Variants in KIF5C observed in about 807,000 individuals in gnomAD.
The protein encoded by KIF5C is kinesin family member 5C.
Under a neutral mutation model 125.2 loss-of-function variants are expected in KIF5C, and 18 were observed. That is an observed-to-expected ratio of 0.14 (90% CI 0.10 to 0.21). The LOEUF (loss-of-function observed/expected upper bound fraction) is 0.21, where lower values mean the gene tolerates loss of function less well. KIF5C is among the 10% of genes least tolerant of loss of function. The pLI is 1.00. For synonymous variants in KIF5C, 405 were observed against 434.0 expected, an observed-to-expected ratio of 0.93 and a Z score of 0.83; for missense variants, 780 against 1,183.8, an observed-to-expected ratio of 0.66 and a Z score of 5.01.
intron 1 of KIF5C, among the ~76,000 whole-genome samples, chr2:148,911,147 CA>C (rs1255127972): frequency 2.0e-5 from 3 of 152,116 alleles, no homozygotes; most frequent in African/African-American, 7.2e-5. Flanking sequence ...CTGCCTACAG[CA>C]TGTGGCTAAA....
intron 11 of KIF5C, among the ~76,000 whole-genome samples, chr2:148,970,727 G>A (rs1286517035): frequency 6.6e-6 from 1 of 152,194 alleles, no homozygotes; most frequent in Non-Finnish European, 1.5e-5. Context: ...ACTTTGGTTA[G>A]AACAGGTCAC....
chr2:148,941,183 A>G (rs1455943712), intron 4 of KIF5C, among the ~76,000 whole-genome samples: 5 of 152,152 alleles, frequency 3.3e-5, no homozygotes, highest in African/African-American at 1.2e-4. Context: ...TTCTAAACAC[A>G]CTGCCCTTGC....
chr2:148,976,572 G>A (rs896855745), intron 12 of KIF5C, among the ~76,000 whole-genome samples: 1 of 151,448 alleles, frequency 6.6e-6, no homozygotes, highest in Non-Finnish European at 1.5e-5. Flanking sequence ...CTGGCCGCAT[G>A]TTATTTTTTT....
At position 149,024,663 on chromosome 2, in the gene KIF5C, A is replaced by G. The variant is rs902579319; in HGVS notation, c.*1593A>G. 2 of 152,588 alleles carry G rather than the reference A, an allele frequency of 1.3e-5. No individual in the cohort carries two copies. The highest frequency in any genetic ancestry group is 6.5e-5 in the Admixed American group (1 of 15,280). The allele number at this position is 152,588 out of a possible 1,614,324, so 9.5% of individuals were successfully genotyped here. ...TGCTTTGACTTAATTTATTTGTTAAATGTTGCACTTTGTTTATGTATGTTT... is the reference window on the plus strand; with the variant it reads ...TGCTTTGACTTAATTTATTTGTTAAGTGTTGCACTTTGTTTATGTATGTTT... On this transcript the variant is annotated 3_prime_UTR_variant, in exon 26 of 26. Coordinates refer to ENST00000435030, the MANE Select transcript of KIF5C (RefSeq NM_004522.3).
chr2:148,882,654 C>T (rs1345892234), intron 1 of KIF5C, among the ~76,000 whole-genome samples: 2 of 152,206 alleles, frequency 1.3e-5, no homozygotes, highest in African/African-American at 4.8e-5. Context: ...TCAAAGCTCA[C>T]CTGCATGGCC....
Position 148,994,472 on chromosome 2 carries a change from A to C in KIF5C, c.1957A>C (p.Lys653Gln). Residue 653 changes from lysine to glutamine, a missense_variant, in exon 17 of 26, where the codon AAG (lysine) becomes CAG (glutamine). Transcript: ENST00000435030. ...LTDYMQNMEQ[K>Q]RRQLEESQDS... ...AGACTACATGCAGAACATGGAACAGAAGAGGAGGCAGCTAGAAGAGTCCCA... is the reference window on the plus strand; with the variant it reads ...AGACTACATGCAGAACATGGAACAGCAGAGGAGGCAGCTAGAAGAGTCCCA... 1 of 1,577,414 alleles carries C rather than the reference A, an allele frequency of 6.3e-7. No homozygotes were observed. Among genetic ancestry groups the C allele is most frequent in the Non-Finnish European group, 8.6e-7 (1 of 1,161,594 alleles).
rs1681206997 is a variant in KIF5C, at chr2:148,876,830, C to T, written c.126+1087C>T. Among the ~76,000 whole-genome samples, 1 of 152,214 alleles carries T rather than the reference C, an allele frequency of 6.6e-6. No homozygotes were observed. The highest frequency in any genetic ancestry group is 1.5e-5 in the Non-Finnish European group (1 of 68,048). On this transcript the variant is annotated intron_variant, in intron 1 of 25. Coordinates refer to ENST00000435030, the MANE Select transcript of KIF5C (RefSeq NM_004522.3). This position sits in a 1 kb window ranked among gnomAD's most constrained non-coding sequence, Gnocchi z 4.7. Reference sequence around the variant, plus strand: ...GGGGAGGGACCGAGTTAATGGGAGCCTCCCGGTCCCCGCTGACACGTTCCT... The same window carrying T: ...GGGGAGGGACCGAGTTAATGGGAGCTTCCCGGTCCCCGCTGACACGTTCCT...
At chr2:148,877,182 G>C (rs1285589982) in intron 1 of KIF5C, 5 of 152,290 alleles carry the variant, frequency 3.3e-5, no homozygotes, top group African/African-American at 1.2e-4. Context: ...CTCCACGCTA[G>C]AGGAGCCTGG....
At chr2:148,991,587 A>G (rs1292128668) in intron 16 of KIF5C, among the ~76,000 whole-genome samples, 1 of 152,184 alleles carries the variant, frequency 6.6e-6, no homozygotes, top group African/African-American at 2.4e-5. Context: ...TAGTAGTAGT[A>G]GCAGGTGGCA....
intron 1 of KIF5C, chr2:148,888,197 G>C (rs1051676639): frequency 6.6e-6 from 1 of 152,242 alleles, no homozygotes; most frequent in Non-Finnish European, 1.5e-5. Flanking sequence ...GGTGCTCCAG[G>C]CTCGCGGCTC....
At chr2:148,936,009 C>T (rs973174136) in intron 3 of KIF5C, among the ~76,000 whole-genome samples, 15 of 152,170 alleles carry the variant, frequency 9.9e-5, no homozygotes, top group Non-Finnish European at 1.9e-4. Context: ...GCCAGACTGC[C>T]GGACGTGGTG....
chr2:148,891,733 TG>T, intron 1 of KIF5C, among the ~76,000 whole-genome samples: 1 of 152,218 alleles, frequency 6.6e-6, no homozygotes, highest in Middle Eastern at 3.2e-3. Flanking sequence ...GTCTCACTCT[TG>T]TTGCCCAGGC....
At chr2:148,931,192 A>G (rs1365402375) in intron 3 of KIF5C, among the ~76,000 whole-genome samples, 1 of 152,234 alleles carries the variant, frequency 6.6e-6, no homozygotes, top group Non-Finnish European at 1.5e-5. Flanking sequence ...AACCTGCATT[A>G]TTTAAAATCC....
rs142270000 is a variant in KIF5C at position 148,947,510 on chromosome 2, A to G, written c.714+487A>G. 1,525 of 198,620 alleles carry G rather than the reference A, an allele frequency of 7.7e-3. 9 individuals are homozygous for G. The highest frequency in any genetic ancestry group is 0.012 in the Non-Finnish European group (1,115 of 96,906). 12.3% of individuals were successfully genotyped at this position (198,620 alleles called of 1,614,324 possible). On this transcript the variant is annotated intron_variant, in intron 8 of 25. Transcript: ENST00000435030. ...TTCCCTGGTTCTCCCAGCAGTAGGCATGGGCTGACGGTGTCCCATGTGGAA... is the reference window on the plus strand; with the variant it reads ...TTCCCTGGTTCTCCCAGCAGTAGGCGTGGGCTGACGGTGTCCCATGTGGAA...
At chr2:149,007,133 A>G (rs918203564) in intron 22 of KIF5C, among the ~76,000 whole-genome samples, 1 of 152,218 alleles carries the variant, frequency 6.6e-6, no homozygotes, top group Non-Finnish European at 1.5e-5. Context: ...GTGGCAATCT[A>G]AGTCTCAACA....
chr2:148,969,544 T>C (rs1680845985), intron 11 of KIF5C, among the ~76,000 whole-genome samples: 1 of 151,894 alleles, frequency 6.6e-6, no homozygotes, highest in Admixed American at 6.6e-5. Context: ...CCTCCGGGGC[T>C]AAACTAAGAG....
intron 1 of KIF5C, among the ~76,000 whole-genome samples, chr2:148,910,735 G>C (rs1027824960): frequency 2.0e-5 from 3 of 152,218 alleles, no homozygotes; most frequent in African/African-American, 7.2e-5. Context: ...TGCTGGGCCA[G>C]AGGCAGATGG....
chr2:148,959,808 G>A (rs1682882202), intron 10 of KIF5C, among the ~76,000 whole-genome samples: 1 of 152,220 alleles, frequency 6.6e-6, no homozygotes, highest in Admixed American at 6.5e-5. Flanking sequence ...CAGAAGGAGA[G>A]AAGAGCGTGA....
intron 1 of KIF5C, among the ~76,000 whole-genome samples, chr2:148,881,297 T>C (rs1226642858): frequency 6.6e-6 from 1 of 152,220 alleles, no homozygotes; most frequent in East Asian, 1.9e-4. Flanking sequence ...ATTTCTGGTA[T>C]TTCTAACTAT....
Sources: allele counts gnomAD v4.1 joint callset (sites outside exome capture counted in the v4.1 genomes callset), GRCh38; gene constraint gnomAD v4.1.1; non-coding constraint Gnocchi (gnomAD v3.1); transcripts MANE v1.5; gene names NCBI Gene and HGNC (gene_info 2026-07-23, HGNC 2026-07-21).